STXBP5L: variants seen among roughly 807,000 people sequenced by gnomAD.
The protein encoded by STXBP5L is syntaxin binding protein 5L.
In STXBP5L, 65 loss-of-function variants were observed where a neutral mutation model predicts 144.5. The observed-to-expected ratio is 0.45, with a 90% CI of 0.37 to 0.55. The LOEUF (loss-of-function observed/expected upper bound fraction) is 0.55, where lower values mean the gene tolerates loss of function less well. STXBP5L is among the 20% of genes least tolerant of loss of function. The pLI is 0.00. For synonymous variants in STXBP5L, 505 were observed against 469.6 expected (o/e 1.08, Z -0.97); for missense variants, 1,298 against 1,405.5 (o/e 0.92, Z 1.22).
intron 22 of STXBP5L, among the ~76,000 whole-genome samples, chr3:121,397,004 C>T (rs554033777): frequency 7.2e-5 from 11 of 152,198 alleles, no homozygotes; most frequent in African/African-American, 9.6e-5. Flanking sequence ...GCAGTCAATA[C>T]CTCAATTACA....
intron 5 of STXBP5L, among the ~76,000 whole-genome samples, chr3:121,097,298 C>T (rs1353958123): frequency 6.6e-6 from 1 of 152,150 alleles, no homozygotes; most frequent in Non-Finnish European, 1.5e-5. Context: ...GACTTCAGCA[C>T]CCCTTTCCAG....
chr3:121,404,685 G>A (rs1206254176), intron 22 of STXBP5L, among the ~76,000 whole-genome samples: 1 of 152,104 alleles, frequency 6.6e-6, no homozygotes, highest in Non-Finnish European at 1.5e-5. Context: ...AAGTTAGGTT[G>A]CCAGTTTCGA....
At chr3:121,030,929 C>A (rs1213046925) in intron 3 of STXBP5L, among the ~76,000 whole-genome samples, 2 of 152,056 alleles carry the variant, frequency 1.3e-5, no homozygotes, top group Non-Finnish European at 2.9e-5. Context: ...ACTGGGAGAG[C>A]TGGAAAAATG....
At chr3:121,359,467 T>G (rs190892769) in intron 20 of STXBP5L, among the ~76,000 whole-genome samples, 2 of 152,242 alleles carry the variant, frequency 1.3e-5, no homozygotes, top group Non-Finnish European at 2.9e-5. Flanking sequence ...TGATGTGATC[T>G]CATTTGTTCA....
chr3:121,204,978 A>C (rs780891790), intron 9 of STXBP5L, among the ~76,000 whole-genome samples: 12 of 152,188 alleles, frequency 7.9e-5, no homozygotes, highest in Non-Finnish European at 1.6e-4. Context: ...ATGATTTTTA[A>C]AAATCATGAA....
chr3:121,213,778 A>G (rs932080847), intron 10 of STXBP5L, among the ~76,000 whole-genome samples: 1 of 152,202 alleles, frequency 6.6e-6, no homozygotes, highest in Non-Finnish European at 1.5e-5. Flanking sequence ...GAATAGTTTC[A>G]GAAGGAATGG....
chr3:121,312,084 C>A (rs2043550429), intron 19 of STXBP5L, among the ~76,000 whole-genome samples: 1 of 152,072 alleles, frequency 6.6e-6, no homozygotes, highest in Non-Finnish European at 1.5e-5. Context: ...GAAAAACAAG[C>A]AATGGGGAAA....
intron 2 of STXBP5L, among the ~76,000 whole-genome samples, chr3:120,913,837 G>A (rs1387958312): frequency 6.6e-6 from 1 of 151,970 alleles, no homozygotes; most frequent in Non-Finnish European, 1.5e-5. Flanking sequence ...ATGGTGCCTG[G>A]CCCATTGAAG....
intron 3 of STXBP5L, among the ~76,000 whole-genome samples, chr3:121,014,559 T>G (rs1037274723): frequency 6.6e-6 from 1 of 152,010 alleles, no homozygotes; most frequent in Non-Finnish European, 1.5e-5. Context: ...ATTTTTTCAC[T>G]TGTTCATGGA....
At chr3:121,344,684 C>T (rs2044878845) in intron 20 of STXBP5L, among the ~76,000 whole-genome samples, 1 of 151,526 alleles carries the variant, frequency 6.6e-6, no homozygotes, top group African/African-American at 2.4e-5. Context: ...GTTAAAGTAC[C>T]CAATAAAAGA....
At chr3:121,188,162 A>T (rs1459524064) in intron 9 of STXBP5L, among the ~76,000 whole-genome samples, 2 of 152,170 alleles carry the variant, frequency 1.3e-5, no homozygotes, top group African/African-American at 2.4e-5. Flanking sequence ...CCAGGACTTG[A>T]ACTCAGCTCT....
At chr3:120,994,989 A>T (rs1943224857) in intron 3 of STXBP5L, among the ~76,000 whole-genome samples, 1 of 151,876 alleles carries the variant, frequency 6.6e-6, no homozygotes. Flanking sequence ...TTTTTTTTCC[A>T]GGTTCAATTT....
chr3:120,969,242 G>GGA (rs1010584337), intron 3 of STXBP5L, among the ~76,000 whole-genome samples: 1 of 151,854 alleles, frequency 6.6e-6, no homozygotes, highest in African/African-American at 2.4e-5. Flanking sequence ...CATGCTTGCA[G>GGA]GAGTAAGGTG....
chr3:120,982,381 TG>T, intron 3 of STXBP5L, among the ~76,000 whole-genome samples: 1 of 152,142 alleles, frequency 6.6e-6, no homozygotes, highest in Non-Finnish European at 1.5e-5. Flanking sequence ...AGCACTGACA[TG>T]AGTGGCAGGG....
chr3:121,005,254 T>G (rs563959784), intron 3 of STXBP5L, among the ~76,000 whole-genome samples: 3 of 152,348 alleles, frequency 2.0e-5, no homozygotes, highest in African/African-American at 7.2e-5. Flanking sequence ...ATTCAGATAT[T>G]CAACTTCTTC....
At chr3:121,196,388 C>T (rs2047920828) in intron 9 of STXBP5L, among the ~76,000 whole-genome samples, 1 of 152,032 alleles carries the variant, frequency 6.6e-6, no homozygotes, top group Non-Finnish European at 1.5e-5. Flanking sequence ...ATCCACCTGC[C>T]TCGACCTCCC....
At chr3:120,982,941 G>T (rs995633869) in intron 3 of STXBP5L, among the ~76,000 whole-genome samples, 1 of 152,158 alleles carries the variant, frequency 6.6e-6, no homozygotes, top group Non-Finnish European at 1.5e-5. Context: ...GGGAGGAGTG[G>T]GCTGGTCCCC....
intron 10 of STXBP5L, among the ~76,000 whole-genome samples, chr3:121,213,512 G>A (rs139894947): frequency 5.7e-4 from 87 of 152,214 alleles, no homozygotes; most frequent in African/African-American, 1.9e-3. Flanking sequence ...GATGGATTAC[G>A]TTTATTGATT....
intron 20 of STXBP5L, among the ~76,000 whole-genome samples, chr3:121,352,066 A>T (rs1451133781): frequency 1.3e-5 from 2 of 152,140 alleles, no homozygotes; most frequent in South Asian, 4.1e-4. Context: ...TACCAGTACC[A>T]TGCTGTTTTG....
Sources: allele counts gnomAD v4.1 joint callset (sites outside exome capture counted in the v4.1 genomes callset), GRCh38; gene constraint gnomAD v4.1.1; transcripts MANE v1.5; gene names NCBI Gene and HGNC (gene_info 2026-07-23, HGNC 2026-07-21).